Variants in RIMS1 observed in about 807,000 individuals in gnomAD.
The protein encoded by RIMS1 is regulating synaptic membrane exocytosis protein 1.
In RIMS1, 83 loss-of-function variants were observed where a neutral mutation model predicts 214.1. The ratio of observed to expected loss-of-function variants is 0.39; its 90% confidence interval spans 0.32 to 0.47. The LOEUF is 0.47. Ranked by LOEUF, RIMS1 falls within the 20% of genes least tolerant of loss-of-function variation. The pLI is 0.99. For synonymous variants in RIMS1, 793 were observed against 786.8 expected, an observed-to-expected ratio of 1.01 and a Z score of -0.13; for missense variants, 2,050 against 2,161.8, an observed-to-expected ratio of 0.95 and a Z score of 1.03.
chr6:71,915,491 T>G (rs1778102888), intron 1 of RIMS1, among the ~76,000 whole-genome samples: 14 of 152,162 alleles, frequency 9.2e-5, no homozygotes, highest in Admixed American at 9.2e-4. Flanking sequence ...CCTGTGAATC[T>G]TTTTCACTTG....
chr6:72,136,595 G>A (rs776613095), intron 4 of RIMS1, among the ~76,000 whole-genome samples: 6 of 151,930 alleles, frequency 3.9e-5, no homozygotes, highest in South Asian at 2.1e-4. Flanking sequence ...ATTTTTGGAC[G>A]TGAAAACATT....
intron 2 of RIMS1, among the ~76,000 whole-genome samples, chr6:71,987,036 A>C (rs557060342): frequency 9.8e-5 from 15 of 152,368 alleles, no homozygotes; most frequent in African/African-American, 3.4e-4. Flanking sequence ...TTATATTTAC[A>C]TGACATACAG....
At chr6:72,060,286 G>A (rs542575261) in intron 2 of RIMS1, among the ~76,000 whole-genome samples, 1 of 152,134 alleles carries the variant, frequency 6.6e-6, no homozygotes, top group Non-Finnish European at 1.5e-5. Context: ...GCTTTTTACA[G>A]AATCTTCCTG....
intron 4 of RIMS1, among the ~76,000 whole-genome samples, chr6:72,151,518 GA>G (rs1398687847): frequency 2.6e-5 from 4 of 152,168 alleles, no homozygotes; most frequent in African/African-American, 9.7e-5. Flanking sequence ...TGATAGGGAA[GA>G]AAAACTTGCA....
intron 2 of RIMS1, among the ~76,000 whole-genome samples, chr6:72,032,943 T>C (rs1265810815): frequency 1.3e-5 from 2 of 151,538 alleles, no homozygotes; most frequent in Non-Finnish European, 2.9e-5. Flanking sequence ...TACCAGGGAG[T>C]TCTAAAGAAG....
chr6:72,058,648 C>T (rs1827012375), intron 2 of RIMS1, among the ~76,000 whole-genome samples: 1 of 152,178 alleles, frequency 6.6e-6, no homozygotes, highest in Non-Finnish European at 1.5e-5. Flanking sequence ...GTTCTGGTTC[C>T]TCCCCAAAGA....
At chr6:72,400,445 A>G in intron 33 of RIMS1, 51 bp from the exon 34 acceptor site, 1 of 1,519,588 alleles carries the variant, frequency 6.6e-7, no homozygotes, top group East Asian at 2.3e-5. Context: ...AGCCCTTCGA[A>G]TGTGAAGCAG....
chr6:72,031,578 G>A (rs1195997146), intron 2 of RIMS1, among the ~76,000 whole-genome samples: 1 of 152,038 alleles, frequency 6.6e-6, no homozygotes, highest in Non-Finnish European at 1.5e-5. Context: ...GAAATAGTTG[G>A]ATAGGAAAAA....
chr6:71,937,899 A>G (rs146296913), intron 1 of RIMS1, among the ~76,000 whole-genome samples: 6 of 152,314 alleles, frequency 3.9e-5, no homozygotes, highest in Non-Finnish European at 8.8e-5. Context: ...CTAGAATCTT[A>G]ACTCATTCCA....
chr6:72,237,192 T>G, intron 8 of RIMS1, among the ~76,000 whole-genome samples: 1 of 132,514 alleles, frequency 7.5e-6, no homozygotes. Flanking sequence ...GGTGACAGAG[T>G]GAGGCCTTGT....
chr6:72,008,650 C>CA (rs1808874771), intron 2 of RIMS1, among the ~76,000 whole-genome samples: 1 of 151,472 alleles, frequency 6.6e-6, no homozygotes, highest in Non-Finnish European at 1.5e-5. Flanking sequence ...AAATGGAAAA[C>CA]AAAAAAAGGC....
intron 27 of RIMS1, among the ~76,000 whole-genome samples, chr6:72,308,631 C>G (rs997858055): frequency 1.3e-5 from 2 of 151,936 alleles, no homozygotes; most frequent in Non-Finnish European, 2.9e-5. Context: ...CCAAGACTAC[C>G]ATAGAGTCAT....
At position 72,182,518 on chromosome 6, in the gene RIMS1, G is replaced by A; in HGVS notation, c.1047G>A (p.Glu349=). The change falls in exon 6 of 34, where the codon GAG becomes GAA. Residue 349 remains glutamate (E), a synonymous_variant. Transcript: ENST00000521978. The part of the protein sequence containing the change: ...AADEEKQRKE[E]DYQTRYRSDP... ...ATGAGGAAAAGCAAAGAAAAGAGGA[G>A]GATTATCAGACCAGGTACCGCAGCG... The A allele has an allele frequency of 6.3e-7, 1 of 1,584,578 alleles. No individual in the cohort carries two copies. Among genetic ancestry groups the A allele is most frequent in the Non-Finnish European group, 8.6e-7 (1 of 1,165,614 alleles).
intron 26 of RIMS1, among the ~76,000 whole-genome samples, chr6:72,303,260 T>A (rs2094815225): frequency 6.6e-6 from 1 of 150,692 alleles, no homozygotes; most frequent in African/African-American, 2.4e-5. Context: ...TTATTAAGGA[T>A]TTTTGAGGGT....
intron 2 of RIMS1, among the ~76,000 whole-genome samples, chr6:71,977,441 C>T (rs867683862): frequency 1.3e-5 from 2 of 152,064 alleles, no homozygotes; most frequent in Non-Finnish European, 2.9e-5. Context: ...TATTGCCAGG[C>T]CCTGGATATT....
intron 24 of RIMS1, among the ~76,000 whole-genome samples, chr6:72,286,153 C>T (rs1453509157): frequency 8.6e-5 from 13 of 151,238 alleles, no homozygotes; most frequent in East Asian, 7.8e-4. Flanking sequence ...GCCGAGATTG[C>T]GCCATTGCAC....
At chr6:72,241,580 GTAC>G (rs1465244430) in intron 9 of RIMS1, among the ~76,000 whole-genome samples, 1 of 151,996 alleles carries the variant, frequency 6.6e-6, no homozygotes, top group East Asian at 1.9e-4. Context: ...TAACAACTAT[GTAC>G]TGTATTAATG....
intron 4 of RIMS1, among the ~76,000 whole-genome samples, chr6:72,112,845 G>T (rs2036381247): frequency 6.6e-6 from 1 of 152,108 alleles, no homozygotes; most frequent in Admixed American, 6.6e-5. Flanking sequence ...TGTAGAAAAG[G>T]GGGACTTTAA....
rs544585564 is a variant in RIMS1 at position 72,249,512 on chromosome 6, G to T, written c.2242-818G>T. Reference sequence around the variant, plus strand: ...AGTTTAATTCTAAAAATTAAATGACGGCTTGGTGCAGTGGCTCACACCTTT... The same window carrying T: ...AGTTTAATTCTAAAAATTAAATGACTGCTTGGTGCAGTGGCTCACACCTTT... On this transcript the variant is annotated intron_variant, in intron 12 of 33. Transcript: ENST00000521978. 2.1e-3 allele frequency among the ~76,000 whole-genome samples: 315 copies of T among 152,162 alleles called. 4 individuals are homozygous for T. Among genetic ancestry groups the T allele is most frequent in the African/African-American group, 6.9e-3 (288 of 41,518 alleles).
Sources: gnomAD v4.1 joint callset for allele counts (sites outside exome capture counted in the v4.1 genomes callset) on GRCh38, gnomAD v4.1.1 for gene constraint, MANE v1.5 for transcripts, NCBI Gene and HGNC (gene_info 2026-07-23, HGNC 2026-07-21) for gene names.